Variants in SIPA1L3 observed in about 807,000 individuals in gnomAD.
The protein encoded by SIPA1L3 is signal-induced proliferation-associated 1-like protein 3.
Under a neutral mutation model 150.1 loss-of-function variants are expected in SIPA1L3, and 59 were observed. The ratio of observed to expected loss-of-function variants is 0.39; its 90% confidence interval spans 0.32 to 0.49. The LOEUF (loss-of-function observed/expected upper bound fraction) is 0.49. Ranked by LOEUF, SIPA1L3 falls within the 20% of genes least tolerant of loss-of-function variation. SIPA1L3 has a pLI of 0.86. For synonymous variants in SIPA1L3, 1,070 were observed against 1,077.6 expected, an observed-to-expected ratio of 0.99 and a Z score of 0.14; for missense variants, 2,211 against 2,489.5, an observed-to-expected ratio of 0.89 and a Z score of 2.38.
rs79377784 is a variant in SIPA1L3 at position 37,990,135 on chromosome 19, C to T, written c.-378-38954C>T. On this transcript the variant is annotated intron_variant, in intron 1 of 21. Coordinates refer to ENST00000222345, the MANE Select transcript of SIPA1L3 (RefSeq NM_015073.3). ...GGGGTCAGCTCCTGTTTCTGCCCTACGGCCGCATGCCTCTTCTGGTTGCTC... is the reference window on the plus strand; with the variant it reads ...GGGGTCAGCTCCTGTTTCTGCCCTATGGCCGCATGCCTCTTCTGGTTGCTC... 7.3e-3 allele frequency among the ~76,000 whole-genome samples: 1,108 copies of T among 152,158 alleles called. 16 individuals carry two copies. Among genetic ancestry groups the T allele is most frequent in the African/African-American group, 0.025 (1,045 of 41,514 alleles).
intron 13 of SIPA1L3, 45 bp downstream of exon 13, chr19:38,153,012 C>T (rs754115593): frequency 5.2e-5 from 82 of 1,590,756 alleles, no homozygotes; most frequent in Non-Finnish European, 6.7e-5. Context: ...TGCCTCACTC[C>T]GCAGGACCTC....
At chr19:38,073,477 C>T (rs575981098) in intron 2 of SIPA1L3, among the ~76,000 whole-genome samples, 1 of 152,218 alleles carries the variant, frequency 6.6e-6, no homozygotes, top group Non-Finnish European at 1.5e-5. Flanking sequence ...CACTGCCACT[C>T]ACTCCTCATT....
At chr19:38,123,660 A>G (rs1050067693) in intron 9 of SIPA1L3, among the ~76,000 whole-genome samples, 35 of 151,956 alleles carry the variant, frequency 2.3e-4, no homozygotes, top group Non-Finnish European at 4.6e-4. Context: ...TCCCATGTCT[A>G]TTTCTTTCTA....
intron 2 of SIPA1L3, among the ~76,000 whole-genome samples, chr19:38,059,166 C>T (rs1969394167): frequency 6.8e-6 from 1 of 146,700 alleles, no homozygotes; most frequent in Admixed American, 6.7e-5. Flanking sequence ...ATACTCAGCT[C>T]ATTTTTTTTT....
chr19:38,057,112 A>G (rs1241828935), intron 2 of SIPA1L3, among the ~76,000 whole-genome samples: 1 of 151,972 alleles, frequency 6.6e-6, no homozygotes, highest in Non-Finnish European at 1.5e-5. Flanking sequence ...CTTTACTACA[A>G]ATACAAAAAT....
In SIPA1L3 at chr19:37,956,493, T is replaced by TG. The variant is rs576379901; in HGVS notation, c.-379+49135_-379+49136insG. 3.3e-4 allele frequency among the ~76,000 whole-genome samples: 50 copies of TG among 149,656 alleles called. 1 individual carries two copies. Among genetic ancestry groups the TG allele is most frequent in the Non-Finnish European group, 5.8e-4 (39 of 67,518 alleles). On this transcript the variant is annotated intron_variant, in intron 1 of 21. Transcript: ENST00000222345. ...TTGGAAGTATAAAAGTTTTGTTTTT[T>TG]TTTTTTTTTGAGACTGAGTCTCACT...
chr19:38,015,721 TAAAAAAAAA>T (rs59452393), intron 1 of SIPA1L3, among the ~76,000 whole-genome samples: 6 of 102,166 alleles, frequency 5.9e-5, no homozygotes, highest in African/African-American at 1.5e-4. Flanking sequence ...AAGATCCTGT[TAAAAAAAAA>T]AAAAAAAAAA....
Position 37,968,063 on chromosome 19 carries a change from C to CTCTTTCTTTCTTTCTT in SIPA1L3, c.-379+60715_-379+60730dup, listed in dbSNP as rs74174499. Among the ~76,000 whole-genome samples, 848 of 143,564 alleles carry CTCTTTCTTTCTTTCTT rather than the reference C, an allele frequency of 5.9e-3. 22 individuals are homozygous for CTCTTTCTTTCTTTCTT. Among genetic ancestry groups the CTCTTTCTTTCTTTCTT allele is most frequent in the African/African-American group, 0.021 (803 of 37,414 alleles). The allele number at this position is 143,564 out of a possible 152,430, so 94.2% of individuals were successfully genotyped here. On this transcript the variant is annotated intron_variant, in intron 1 of 21. Coordinates refer to ENST00000222345, the MANE Select transcript of SIPA1L3 (RefSeq NM_015073.3). ...CATTAATGGGTTCTGATGGCCTCAT[C>CTCTTTCTTTCTTTCTT]TCTTTCTTTCTTTCTTTCTTTCTTT...
chr19:38,194,538 C>T (rs1044646976), intron 18 of SIPA1L3, among the ~76,000 whole-genome samples: 1 of 152,144 alleles, frequency 6.6e-6, no homozygotes, highest in African/African-American at 2.4e-5. Context: ...TGGGGTGCCC[C>T]TGACCTTTTT....
Position 38,088,735 on chromosome 19 carries a change from T to C in SIPA1L3, c.1549T>C (p.Phe517Leu), listed in dbSNP as rs533281465. 5.6e-6 allele frequency: 9 copies of C among 1,613,766 alleles called. No individual in the cohort carries two copies. The highest frequency in any genetic ancestry group is 5.1e-6 in the Non-Finnish European group (6 of 1,179,880). The change falls in exon 4 of 22, where the codon TTC becomes CTC. Residue 517 changes from phenylalanine (F) to leucine (L), a missense_variant. Phe to Leu is a conservative substitution (Grantham distance 22). Around this residue, in one of 5 missense-constraint regions of SIPA1L3, gnomAD observed 625 missense variants for 804.2 expected, o/e 0.78. Transcript: ENST00000222345. The stretch of plus-strand genomic sequence containing the variant: ...TTCCTTCTTAGAACATGCCAATTAC[T>C]TCGGCGTGGATGAGAAGCTGGGGCC... ...YFVGKEHANYFGVDEKLGPVA... is the reference protein window; with the variant it reads ...YFVGKEHANYLGVDEKLGPVA...
intron 1 of SIPA1L3, among the ~76,000 whole-genome samples, chr19:37,953,278 C>T (rs1031869719): frequency 5.3e-5 from 8 of 152,180 alleles, no homozygotes; most frequent in Non-Finnish European, 5.9e-5. Flanking sequence ...CATGACCCAG[C>T]CTTGCACACT....
At chr19:37,918,025 T>C (rs1230292839) in intron 1 of SIPA1L3, among the ~76,000 whole-genome samples, 1 of 151,436 alleles carries the variant, frequency 6.6e-6, no homozygotes, top group Non-Finnish European at 1.5e-5. Flanking sequence ...GAAGTCCCAG[T>C]TTGTCAGCAT....
intron 15 of SIPA1L3, among the ~76,000 whole-genome samples, chr19:38,173,252 G>A (rs907673375): frequency 2.6e-5 from 4 of 152,256 alleles, no homozygotes; most frequent in Non-Finnish European, 4.4e-5. Flanking sequence ...ACGCCCAAGC[G>A]GGGAGCCCCC....
intron 2 of SIPA1L3, among the ~76,000 whole-genome samples, chr19:38,041,869 C>G (rs1968933675): frequency 6.6e-6 from 1 of 152,202 alleles, no homozygotes; most frequent in African/African-American, 2.4e-5. Flanking sequence ...GCCACCACAC[C>G]TGGCCCTTTG....
At chr19:37,914,002 G>A (rs1265999420) in intron 1 of SIPA1L3, among the ~76,000 whole-genome samples, 1 of 144,990 alleles carries the variant, frequency 6.9e-6, no homozygotes, top group Non-Finnish European at 1.5e-5. Context: ...TCCAGCCTGG[G>A]CGGCAGAGTG....
At chr19:38,154,947 G>A (rs1971910888) in intron 13 of SIPA1L3, among the ~76,000 whole-genome samples, 1 of 151,952 alleles carries the variant, frequency 6.6e-6, no homozygotes, top group Non-Finnish European at 1.5e-5. Flanking sequence ...TTTTAATAGA[G>A]ACAGGGTTTC....
At chr19:37,971,418 C>G (rs1340496618) in intron 1 of SIPA1L3, among the ~76,000 whole-genome samples, 1 of 152,172 alleles carries the variant, frequency 6.6e-6, no homozygotes. Context: ...TGATTCTGCC[C>G]TGTGATTTTC....
At chr19:38,162,198 C>T (rs1972104072) in intron 13 of SIPA1L3, 55 bp from the exon 14 acceptor site, 4 of 1,422,116 alleles carry the variant, frequency 2.8e-6, no homozygotes, top group Non-Finnish European at 4.0e-6. Context: ...CCAGATTCTT[C>T]AGGCCCTGGC....
At chr19:37,927,229 C>T (rs1027235453) in intron 1 of SIPA1L3, among the ~76,000 whole-genome samples, 2 of 150,532 alleles carry the variant, frequency 1.3e-5, no homozygotes, top group African/African-American at 4.9e-5. Context: ...GTGCAACCTC[C>T]GCCTCCCGGG....
Sources: gnomAD v4.1 joint callset for allele counts (sites outside exome capture counted in the v4.1 genomes callset) on GRCh38, gnomAD v4.1.1 for gene constraint, gnomAD v4.1.1 regional missense constraint, MANE v1.5 for transcripts, NCBI Gene and HGNC (gene_info 2026-07-23, HGNC 2026-07-21) for gene names.